Variants in GRAMD1B observed in about 807,000 individuals in gnomAD.
GRAMD1B encodes protein Aster-B.
GRAMD1B carries 37 observed loss-of-function variants against 99.7 expected under a neutral mutation model. The ratio of observed to expected loss-of-function variants is 0.37; its 90% CI spans 0.29 to 0.49. The LOEUF (loss-of-function observed/expected upper bound fraction) is 0.49. GRAMD1B is among the 20% of genes least tolerant of loss of function. The probability of loss-of-function intolerance (pLI) is 0.98; values close to 1 mark genes in which losing one functional copy is unlikely to be tolerated. For synonymous variants in GRAMD1B, 427 were observed against 387.6 expected (o/e 1.10, Z -1.19); for missense variants, 888 against 1,009.2 (o/e 0.88, Z 1.63).
chr11:123,499,092 A>G (rs1188202140), intron 2 of GRAMD1B, among the ~76,000 whole-genome samples: 1 of 152,174 alleles, frequency 6.6e-6, no homozygotes, highest in Non-Finnish European at 1.5e-5. Context: ...TTGTGACCCC[A>G]AAATTTATGT....
rs1951561180 is a variant in GRAMD1B, at chr11:123,598,486, G to A, written c.970-1982G>A. 4 of 1,191,660 alleles carry A rather than the reference G, an allele frequency of 3.4e-6. No individual in the cohort carries two copies. The Admixed American group carries it at 6.7e-5, about 20-fold the overall frequency. The allele number at this position is 1,191,660 out of a possible 1,614,324, so 73.8% of individuals were successfully genotyped here. On this transcript the variant is annotated intron_variant, in intron 7 of 19. Coordinates refer to ENST00000635736, the MANE Select transcript of GRAMD1B (RefSeq NM_001387025.1). ...ACGTATTCATAGATTTGGGCTTCTA[G>A]AAAAGCAATGTCTTTGTTCCTCTCA...
chr11:123,548,966 C>G (rs1054373994), intron 2 of GRAMD1B, among the ~76,000 whole-genome samples: 3 of 152,184 alleles, frequency 2.0e-5, no homozygotes, highest in Non-Finnish European at 4.4e-5. Flanking sequence ...GAGCAAGCCT[C>G]CCATCTGCCC....
intron 2 of GRAMD1B, chr11:123,525,924 T>A: frequency 1.7e-6 from 1 of 573,586 alleles, no homozygotes. Context: ...ATCTGTCCTT[T>A]GCCTCCAAGC....
intron 1 of GRAMD1B, among the ~76,000 whole-genome samples, chr11:123,389,383 CAA>C (rs1324023950): frequency 6.6e-5 from 8 of 121,100 alleles, no homozygotes; most frequent in Non-Finnish European, 8.8e-5. Context: ...GAGTCCATGT[CAA>C]AAAAAAAAAA....
rs985616331 is a variant in GRAMD1B, at chr11:123,604,746, T to C, written c.1167-576T>C. Among the ~76,000 whole-genome samples the C allele has an allele frequency of 3.9e-5, 6 of 152,202 alleles. No individual in the cohort carries two copies. In the East Asian group the frequency reaches 1.2e-3, roughly 29 times the overall value. ...ACAGGTCAGATGATGGTGATGATGATAGGCTGATGATTGCTCCCTTAGAGG... is the reference window on the plus strand; with the variant it reads ...ACAGGTCAGATGATGGTGATGATGACAGGCTGATGATTGCTCCCTTAGAGG... On this transcript the variant is annotated intron_variant, in intron 9 of 19. Transcript: ENST00000635736.
intron 4 of GRAMD1B, among the ~76,000 whole-genome samples, chr11:123,592,861 C>T (rs540425933): frequency 4.5e-4 from 69 of 152,224 alleles, no homozygotes; most frequent in African/African-American, 1.6e-3. Flanking sequence ...TTTCATCTGT[C>T]ACCCCCGGTG....
chr11:123,589,317 A>C (rs1178971363), intron 4 of GRAMD1B, among the ~76,000 whole-genome samples: 3 of 151,906 alleles, frequency 2.0e-5, no homozygotes, highest in Non-Finnish European at 4.4e-5. Context: ...CTGCGTCTGC[A>C]TCCGTGGGGT....
At chr11:123,580,716 G>T (rs758415934) in intron 3 of GRAMD1B, among the ~76,000 whole-genome samples, 3 of 152,118 alleles carry the variant, frequency 2.0e-5, no homozygotes, top group Non-Finnish European at 4.4e-5. Context: ...CCCAGCTTCC[G>T]CTCTGTAGTG....
intron 1 of GRAMD1B, among the ~76,000 whole-genome samples, chr11:123,404,963 C>T (rs1022167730): frequency 3.3e-5 from 5 of 152,188 alleles, no homozygotes; most frequent in Admixed American, 1.3e-4. Context: ...TTGCCAAATC[C>T]TGTCTTGCTG....
chr11:123,406,540 C>T (rs1034285392), intron 1 of GRAMD1B, among the ~76,000 whole-genome samples: 2 of 152,224 alleles, frequency 1.3e-5, no homozygotes, highest in African/African-American at 4.8e-5. Context: ...GTGTGAGCCA[C>T]TCTGCCGGGC....
chr11:123,437,368 A>G (rs925512767), intron 1 of GRAMD1B, among the ~76,000 whole-genome samples: 10 of 152,170 alleles, frequency 6.6e-5, no homozygotes, highest in African/African-American at 2.4e-4. Flanking sequence ...AGATGAAACC[A>G]CATCTCCCAG....
At chr11:123,498,356 G>A (rs2135129919) in intron 2 of GRAMD1B, among the ~76,000 whole-genome samples, 1 of 152,280 alleles carries the variant, frequency 6.6e-6, no homozygotes, top group East Asian at 1.9e-4. Context: ...CCTCACAATT[G>A]CTGCGCTCTC....
At chr11:123,457,117 A>AAAAGAAAGAAAGAAAG (rs111505156) in intron 1 of GRAMD1B, among the ~76,000 whole-genome samples, 8 of 99,484 alleles carry the variant, frequency 8.0e-5, no homozygotes, top group South Asian at 6.9e-4. Flanking sequence ...TTCTGAGAAA[A>AAAAGAAAGAAAGAAAG]AAAGAAAGAA....
chr11:123,454,341 GC>G (rs1950017443), intron 1 of GRAMD1B: 1 of 152,216 alleles, frequency 6.6e-6, no homozygotes, highest in African/African-American at 2.4e-5. Context: ...TTGGGGCCAA[GC>G]TTATCTGATC....
At chr11:123,502,785 A>G (rs1199027627) in intron 2 of GRAMD1B, among the ~76,000 whole-genome samples, 3 of 151,892 alleles carry the variant, frequency 2.0e-5, no homozygotes, top group Admixed American at 1.3e-4. Flanking sequence ...AAAAAAAAAA[A>G]AAAAAAAAGA....
intron 1 of GRAMD1B, among the ~76,000 whole-genome samples, chr11:123,390,518 T>C (rs1397722332): frequency 6.6e-6 from 1 of 152,266 alleles, no homozygotes; most frequent in African/African-American, 2.4e-5. Flanking sequence ...TTTATCTTTG[T>C]AATGAATTTT....
At chr11:123,520,069 G>T (rs1015284060) in intron 2 of GRAMD1B, among the ~76,000 whole-genome samples, 8 of 152,314 alleles carry the variant, frequency 5.3e-5, no homozygotes, top group African/African-American at 1.9e-4. Flanking sequence ...CACCAATCAT[G>T]TTTTTGTTGG....
At chr11:123,514,853 ATCTC>A (rs893716098) in intron 2 of GRAMD1B, among the ~76,000 whole-genome samples, 1 of 152,092 alleles carries the variant, frequency 6.6e-6, no homozygotes, top group Non-Finnish European at 1.5e-5. Flanking sequence ...TTTTACATCT[ATCTC>A]TCCCCACTAG....
At chr11:123,455,583 C>T (rs1950079311) in intron 1 of GRAMD1B, among the ~76,000 whole-genome samples, 1 of 152,168 alleles carries the variant, frequency 6.6e-6, no homozygotes, top group Non-Finnish European at 1.5e-5. Flanking sequence ...TGCAAAGCCA[C>T]GGACTCTGGA....
Sources: allele counts gnomAD v4.1 joint callset (sites outside exome capture counted in the v4.1 genomes callset), GRCh38; gene constraint gnomAD v4.1.1; transcripts MANE v1.5; gene names NCBI Gene and HGNC (gene_info 2026-07-23, HGNC 2026-07-21).